PCNT: variants seen among roughly 807,000 people sequenced by gnomAD.
PCNT encodes the protein pericentrin, also known as kendrin.
A neutral mutation model predicts 380.4 loss-of-function variants in PCNT; 319 were observed. The observed-to-expected ratio is 0.84, with a 90% CI of 0.77 to 0.92. The LOEUF (loss-of-function observed/expected upper bound fraction) is 0.92. PCNT is among the 40% of genes least tolerant of loss of function. The probability of loss-of-function intolerance (pLI) is 0.00; values close to 1 mark genes in which losing one functional copy is unlikely to be tolerated. For missense variants in PCNT, 4,400 were observed against 4,255.3 expected (o/e 1.03, Z -0.95); for synonymous variants, 1,845 against 1,735.2 (o/e 1.06, Z -1.57).
At chr21:46,429,465 T>G (rs1211608077) in intron 35 of PCNT, among the ~76,000 whole-genome samples, 3 of 143,406 alleles carry the variant, frequency 2.1e-5, no homozygotes, top group Non-Finnish European at 3.0e-5. Flanking sequence ...GCCGGCACTG[T>G]GCGATCGCTC....
intron 9 of PCNT, among the ~76,000 whole-genome samples, chr21:46,352,553 G>A (rs2084311776): frequency 6.6e-6 from 1 of 152,212 alleles, no homozygotes; most frequent in African/African-American, 2.4e-5. Flanking sequence ...CTGTAGAGCA[G>A]CGGGCTGTAT....
At position 46,416,120 on chromosome 21, in the gene PCNT, G is replaced by A. The variant is rs2087017410; in HGVS notation, c.6202G>A (p.Ala2068Thr). ...DCQLPKVDLVAQVKQLQEKLN... is the reference protein window; with the variant it reads ...DCQLPKVDLVTQVKQLQEKLN... ...TCAGCTGCCGAAGGTCGATCTCGTAGCTCAGGTGAAACAGCTTCAGGAAAA... is the reference window on the plus strand; with the variant it reads ...TCAGCTGCCGAAGGTCGATCTCGTAACTCAGGTGAAACAGCTTCAGGAAAA... The change falls in exon 30 of 47, where the codon GCT becomes ACT. Residue 2068 changes from alanine (A) to threonine (T), a missense_variant. Coordinates refer to ENST00000359568, the MANE Select transcript of PCNT (RefSeq NM_006031.6). 6.2e-7 allele frequency: 1 copy of A among 1,614,170 alleles called. No individual in the cohort carries two copies. The highest frequency in any genetic ancestry group is 8.5e-7 in the Non-Finnish European group (1 of 1,180,038).
intron 37 of PCNT, chr21:46,430,918 C>A (rs1459129420): frequency 1.0e-6 from 1 of 979,338 alleles, no homozygotes; most frequent in Non-Finnish European, 1.2e-6. Flanking sequence ...TGAGCACTTG[C>A]TGTGGAGATG....
chr21:46,369,843 G>A (rs1221342336), intron 15 of PCNT, among the ~76,000 whole-genome samples: 1 of 152,218 alleles, frequency 6.6e-6, no homozygotes, highest in Non-Finnish European at 1.5e-5. Flanking sequence ...CAGGGTGGGT[G>A]CCAAGGTCCT....
Position 46,430,621 on chromosome 21 carries a change from C to T in PCNT, c.8028C>T (p.His2676=), listed in dbSNP as rs886057191. ...QSQLEEEQLR[H]LQRESQSAKA... is the part of the protein sequence containing the mutation. Reference sequence around the variant, plus strand: ...AGCTGGAGGAGGAGCAGCTGCGGCACCTGCAGAGGGAGAGCCAGAGTGCCA... The same window carrying T: ...AGCTGGAGGAGGAGCAGCTGCGGCATCTGCAGAGGGAGAGCCAGAGTGCCA... Residue 2676 remains histidine (H), a synonymous_variant, in exon 37 of 47, where the codon CAC becomes CAT. Coordinates refer to ENST00000359568, the MANE Select transcript of PCNT (RefSeq NM_006031.6). 12 of 1,570,498 alleles carry T rather than the reference C, an allele frequency of 7.6e-6. No individual in the cohort carries two copies. The Middle Eastern group carries it at 6.8e-4, about 89-fold the overall frequency.
rs2085809672 is a variant in PCNT at position 46,385,818 on chromosome 21, A to G, written c.3313-14A>G. 1.2e-6 allele frequency: 2 copies of G among 1,614,080 alleles called. No individual in the cohort carries two copies. Among genetic ancestry groups the G allele is most frequent in the East Asian group, 2.2e-5 (1 of 44,890 alleles). ...AATTGTTTTAACGAAAGCTTTAACC[A>G]TTTTTCTCGATAGCTGAAAGACCAG... On this transcript the variant is annotated splice_polypyrimidine_tract_variant and intron_variant, in intron 16 of 46. Coordinates refer to ENST00000359568, the MANE Select transcript of PCNT (RefSeq NM_006031.6).
intron 22 of PCNT, 71 bp from the exon 23 acceptor site, chr21:46,397,942 TG>T: frequency 8.5e-7 from 1 of 1,179,268 alleles, no homozygotes. Context: ...AGTGGAAGCC[TG>T]GGTGGACCTT....
At chr21:46,397,671 G>A (rs1418145190) in intron 22 of PCNT, among the ~76,000 whole-genome samples, 177 bp downstream of exon 22, 1 of 152,154 alleles carries the variant, frequency 6.6e-6, no homozygotes, top group African/African-American at 2.4e-5. Context: ...TTGCCCACAT[G>A]TTGTGGCGCA....
In PCNT at chr21:46,386,959, C is replaced by T. The variant is rs76046167; in HGVS notation, c.3464+976C>T. Among the ~76,000 whole-genome samples, 16 of 152,284 alleles carry T rather than the reference C, an allele frequency of 1.1e-4. No individual in the cohort carries two copies. In the East Asian group the frequency reaches 1.7e-3, roughly 17 times the overall value. ...GCTGCTGCTCCCATCTGTGTGTCCC[C>T]GCTGAGGCTTCTGGGTCCAGCCACT... On this transcript the variant is annotated intron_variant, in intron 17 of 46. Transcript: ENST00000359568.
rs551134245 is a variant in PCNT, at chr21:46,406,207, C to T, written c.5115+3724C>T. On this transcript the variant is annotated intron_variant, in intron 27 of 46. Transcript: ENST00000359568. ...TCACTTGTTCTGTACTGCCGTCCTC[C>T]GGGGCTCCAGCCATCCTAACACCTC... Among the ~76,000 whole-genome samples, 5 of 152,306 alleles carry T rather than the reference C, an allele frequency of 3.3e-5. 1 individual carries two copies. In the South Asian group the frequency reaches 6.2e-4, roughly 19 times the overall value.
intron 39 of PCNT, among the ~76,000 whole-genome samples, 172 bp from the exon 40 acceptor site, chr21:46,436,807 G>A (rs1001997496): frequency 1.3e-5 from 2 of 152,144 alleles, no homozygotes; most frequent in African/African-American, 4.8e-5. Flanking sequence ...CCAGCCACAG[G>A]CCTGTTGCCC....
chr21:46,330,806 C>T (rs1476787830), intron 2 of PCNT, among the ~76,000 whole-genome samples: 1 of 152,120 alleles, frequency 6.6e-6, no homozygotes, highest in African/African-American at 2.4e-5. Flanking sequence ...GCCGTGTGGC[C>T]GAATAATGTC....
rs1342478522 is a variant in PCNT at position 46,334,377 on chromosome 21, T to C, written c.268-20T>C. On this transcript the variant is annotated intron_variant, in intron 2 of 46. Transcript: ENST00000359568. Reference sequence around the variant, plus strand: ...CTAGACCTTGCTTTAAATGCTTCTTTCTGGTCCTCCCCTTCTTAGCCGGAG... The same window carrying C: ...CTAGACCTTGCTTTAAATGCTTCTTCCTGGTCCTCCCCTTCTTAGCCGGAG... The C allele has an allele frequency of 6.2e-7, 1 of 1,613,968 alleles. No homozygotes were observed. The highest frequency in any genetic ancestry group is 8.5e-7 in the Non-Finnish European group (1 of 1,179,970).
chr21:46,353,751 T>TGTGTGTGTGTGTGAGACA (rs59894003), intron 10 of PCNT, among the ~76,000 whole-genome samples: 1 of 104,316 alleles, frequency 9.6e-6, no homozygotes, highest in African/African-American at 3.6e-5. Context: ...TGTGTGTGTG[T>TGTGTGTGTGTGTGAGACA]GAGAGAGACA....
chr21:46,327,396 C>T (rs200963151), intron 2 of PCNT, among the ~76,000 whole-genome samples: 12,058 of 149,892 alleles, frequency 0.08, 621 homozygotes, highest in Middle Eastern at 0.12. Context: ...TTTTCTTTTT[C>T]TTTTTTTTTC....
At chr21:46,434,065 A>G (rs1356889059) in intron 38 of PCNT, among the ~76,000 whole-genome samples, 5 of 152,236 alleles carry the variant, frequency 3.3e-5, no homozygotes, top group Non-Finnish European at 7.3e-5. Context: ...GGCGTGAGCC[A>G]CTGTGCCCGG....
intron 15 of PCNT, among the ~76,000 whole-genome samples, chr21:46,373,816 GC>G (rs1013788346): frequency 7.6e-6 from 1 of 131,704 alleles, no homozygotes; most frequent in Admixed American, 9.2e-5. Context: ...TGCAACCTCC[GC>G]CCCCCGGGTT....
chr21:46,424,780 C>G (rs2087425003), intron 32 of PCNT, among the ~76,000 whole-genome samples: 1 of 149,954 alleles, frequency 6.7e-6, no homozygotes, highest in Admixed American at 6.7e-5. Context: ...CCCCGCACCA[C>G]CCCGCTCCCC....
intron 27 of PCNT, among the ~76,000 whole-genome samples, chr21:46,407,340 C>CTTTTTTTTTTTTTTTTTT (rs899881614): frequency 9.4e-6 from 1 of 106,434 alleles, no homozygotes; most frequent in Non-Finnish European, 1.8e-5. Context: ...TATACTTTCT[C>CTTTTTTTTTTTTTTTTTT]TTTTTTTTTT....
Sources: allele counts gnomAD v4.1 joint callset (sites outside exome capture counted in the v4.1 genomes callset), GRCh38; gene constraint gnomAD v4.1.1; transcripts MANE v1.5; gene names NCBI Gene and HGNC (gene_info 2026-07-23, HGNC 2026-07-21).